TUT1: variants seen among roughly 807,000 people sequenced by gnomAD.
TUT1 encodes the protein terminal uridylyl transferase 1, U6 snRNA-specific, also known as speckle targeted PIP5K1A-regulated poly(A) polymerase.
Under a neutral mutation model 48.8 loss-of-function variants are expected in TUT1, and 26 were observed. The ratio of observed to expected loss-of-function variants is 0.53; its 90% CI spans 0.39 to 0.74. The LOEUF (loss-of-function observed/expected upper bound fraction) is 0.74. Ranked by LOEUF, TUT1 falls within the 30% of genes least tolerant of loss-of-function variation. TUT1 has a pLI of 0.00. For missense variants in TUT1, 1,065 were observed against 1,114.8 expected, an observed-to-expected ratio of 0.96 and a Z score of 0.64; for synonymous variants, 470 against 460.8, an observed-to-expected ratio of 1.02 and a Z score of -0.26.
In TUT1 at chr11:62,591,451, G is replaced by T. The variant is rs373683414; in HGVS notation, c.35C>A (p.Pro12Gln). The T allele has an allele frequency of 6.2e-7, 1 of 1,609,386 alleles. No individual in the cohort carries two copies. The highest frequency in any genetic ancestry group is 8.5e-7 in the Non-Finnish European group (1 of 1,177,992). Residue 12 changes from proline (P) to glutamine (Q), a missense_variant, in exon 1 of 9, where the codon CCG becomes CAG. Pro to Gln is a moderately conservative substitution (Grantham distance 76). Transcript: ENST00000476907. ...GAGGCAGCAGCGGAACCCCCCACGC[G>T]GCAGCGATTCGACATCCGAATCCAC... is the stretch of plus-strand genomic sequence containing the variant. ...AAVDSDVESL[P>Q]RGGFRCCLCH... is the part of the protein sequence containing the mutation.
intron 2 of TUT1, among the ~76,000 whole-genome samples, chr11:62,583,740 C>A (rs191899797): frequency 1.3e-5 from 2 of 152,258 alleles, no homozygotes; most frequent in African/African-American, 4.8e-5. Flanking sequence ...AAGGTAGCAC[C>A]AAGACAGAGT....
At chr11:62,581,728 T>C in intron 2 of TUT1, 27 bp from the exon 3 acceptor site, 1 of 1,401,714 alleles carries the variant, frequency 7.1e-7, no homozygotes, top group East Asian at 2.8e-5. Flanking sequence ...GCAGAGATGA[T>C]GATTTTGGAA....
chr11:62,578,734 G>A lies in TUT1; in HGVS notation c.987C>T (p.Thr329=). The A allele has an allele frequency of 6.2e-7, 1 of 1,614,104 alleles. No individual in the cohort carries two copies. Among genetic ancestry groups the A allele is most frequent in the South Asian group, 1.1e-5 (1 of 91,070 alleles). The change falls in exon 5 of 9, where the codon ACC becomes ACT. Residue 329 remains threonine, a synonymous_variant. Transcript: ENST00000476907. ...CCCCCTCTGCTTTCTCCTCCTTTGG[G>A]GTCTCTGCTAGTTCCGAGGCCTTCC... The part of the protein sequence containing the change: ...DLGKASELAE[T]PKEEKAEGAA...
intron 4 of TUT1, among the ~76,000 whole-genome samples, chr11:62,579,725 C>G (rs1052169712): frequency 2.8e-5 from 4 of 143,672 alleles, no homozygotes; most frequent in African/African-American, 1.0e-4. Context: ...AGTGCAGTGG[C>G]GCGATCTCGG....
In TUT1 at chr11:62,581,627, C is replaced by T. The variant is rs747079599; in HGVS notation, c.348G>A (p.Leu116=). Residue 116 remains leucine, a synonymous_variant, in exon 3 of 9, where the codon CTG becomes CTA. Coordinates refer to ENST00000476907, the MANE Select transcript of TUT1 (RefSeq NM_022830.3). ...GGCGGACACGCAGGCGATGTCCTCCCAGGCTGTGCTGGGACTGTGACAAGA... is the reference window on the plus strand; with the variant it reads ...GGCGGACACGCAGGCGATGTCCTCCTAGGCTGTGCTGGGACTGTGACAAGA... ...EAVLSQSQHS[L]GGHRLRVRPR... is the part of the protein sequence containing the mutation. The T allele has an allele frequency of 8.9e-6, 14 of 1,573,184 alleles. No homozygotes were observed. Among genetic ancestry groups the T allele is most frequent in the African/African-American group, 2.7e-5 (2 of 73,728 alleles).
chr11:62,583,522 C>T (rs766165678), intron 2 of TUT1, among the ~76,000 whole-genome samples: 1 of 151,850 alleles, frequency 6.6e-6, no homozygotes, highest in Non-Finnish European at 1.5e-5. Flanking sequence ...TGCTTGAACC[C>T]GGGAGGCGGA....
chr11:62,578,375 G>A (rs989181700), intron 5 of TUT1, among the ~76,000 whole-genome samples, 186 bp downstream of exon 5: 13 of 151,180 alleles, frequency 8.6e-5, no homozygotes, highest in African/African-American at 2.2e-4. Flanking sequence ...GAGAAACCCC[G>A]TCTCTACTAA....
intron 2 of TUT1, among the ~76,000 whole-genome samples, chr11:62,587,306 C>T (rs972672577): frequency 1.3e-5 from 2 of 151,888 alleles, no homozygotes; most frequent in African/African-American, 2.4e-5. Context: ...CTCAGCCTCC[C>T]GAGTAGCTGG....
In TUT1 at chr11:62,581,565, T is replaced by A; in HGVS notation, c.410A>T (p.Lys137Ile). Reference sequence around the variant, plus strand: ...GTCGGGGGCCGCTCCTTTGGGGGATTTGGAGGCCGGGCTCTGGAACTCCTT... The same window carrying A: ...GTCGGGGGCCGCTCCTTTGGGGGATATGGAGGCCGGGCTCTGGAACTCCTT... ...EQKEFQSPAS[K>I]SPKGAAPDSH... The change falls in exon 3 of 9, where the codon AAA (lysine) becomes ATA (isoleucine). Residue 137 changes from lysine (K) to isoleucine (I), a missense_variant. Transcript: ENST00000476907. The A allele has an allele frequency of 6.2e-7, 1 of 1,612,004 alleles. No individual in the cohort carries two copies. Among genetic ancestry groups the A allele is most frequent in the South Asian group, 1.1e-5 (1 of 90,896 alleles).
rs145871021 is a variant in TUT1, at chr11:62,582,804, G to A, written c.274-1103C>T. 2.9e-3 allele frequency among the ~76,000 whole-genome samples: 445 copies of A among 152,114 alleles called. 4 individuals carry two copies. Among genetic ancestry groups the A allele is most frequent in the African/African-American group, 1.0e-2 (415 of 41,514 alleles). ...ACATTTATTAAGGATCCATGTAACAGAATGAGTCCACTTTAAAAATCTTTT... is the reference window on the plus strand; with the variant it reads ...ACATTTATTAAGGATCCATGTAACAAAATGAGTCCACTTTAAAAATCTTTT... On this transcript the variant is annotated intron_variant, in intron 2 of 8. Transcript: ENST00000476907.
Position 62,591,517 on chromosome 11 carries a change from C to T in TUT1, c.-32G>A, listed in dbSNP as rs751640538. 2 of 1,613,512 alleles carry T rather than the reference C, an allele frequency of 1.2e-6. No homozygotes were observed. The highest frequency in any genetic ancestry group is 1.7e-6 in the Non-Finnish European group (2 of 1,179,748). On this transcript the variant is annotated 5_prime_UTR_variant, in exon 1 of 9. Transcript: ENST00000476907. ...TCTCCTGTACCGACAAAAACACAAGCACCTCTGCCACCACCGGAACCCACT... is the reference window on the plus strand; with the variant it reads ...TCTCCTGTACCGACAAAAACACAAGTACCTCTGCCACCACCGGAACCCACT...
At chr11:62,586,452 C>T (rs1198185718) in intron 2 of TUT1, among the ~76,000 whole-genome samples, 1 of 152,194 alleles carries the variant, frequency 6.6e-6, no homozygotes, top group Non-Finnish European at 1.5e-5. Context: ...GTGCTTAGCA[C>T]ACAATTGATG....
rs1941780261 is a variant in TUT1 at position 62,578,998 on chromosome 11, C to T, written c.723G>A (p.Leu241=). The T allele has an allele frequency of 2.0e-6, 3 of 1,515,322 alleles. No homozygotes were observed. The highest frequency in any genetic ancestry group is 4.5e-5 in the Admixed American group (2 of 43,986). 93.9% of individuals were successfully genotyped at this position (1,515,322 alleles called of 1,614,324 possible). ...PVPKAPESPS[L]DSALASPLDP... is the part of the protein sequence containing the mutation. Reference sequence around the variant, plus strand: ...CCAGTGGGGAAGCCAGGGCCGAGTCCAGCGATGGAGATTCTGGAGCCTTTG... The same window carrying T: ...CCAGTGGGGAAGCCAGGGCCGAGTCTAGCGATGGAGATTCTGGAGCCTTTG... Residue 241 remains leucine, a synonymous_variant, in exon 5 of 9, where the codon CTG becomes CTA. Transcript: ENST00000476907.
intron 3 of TUT1, 65 bp from the exon 4 acceptor site, chr11:62,581,271 A>G: frequency 6.3e-7 from 1 of 1,577,544 alleles, no homozygotes. Context: ...AGAACAAAAC[A>G]GAGCACAAAG....
At chr11:62,587,409 G>A (rs1360649390) in intron 2 of TUT1, among the ~76,000 whole-genome samples, 1 of 152,016 alleles carries the variant, frequency 6.6e-6, no homozygotes, top group Non-Finnish European at 1.5e-5. Context: ...TCGAACTCCC[G>A]ACCTCACATG....
intron 8 of TUT1, 189 bp downstream of exon 8, chr11:62,576,468 G>T: frequency 1.3e-6 from 1 of 785,396 alleles, no homozygotes; most frequent in Non-Finnish European, 2.0e-6. Context: ...TTGCTAGCCA[G>T]TGTAACCTTG....
chr11:62,586,354 CA>C (rs1381288914), intron 2 of TUT1, among the ~76,000 whole-genome samples: 27 of 152,344 alleles, frequency 1.8e-4, no homozygotes, highest in African/African-American at 6.3e-4. Context: ...GCCTCACAAG[CA>C]GTGTCTTAAA....
chr11:62,586,826 G>T (rs540767669), intron 2 of TUT1, among the ~76,000 whole-genome samples: 2 of 151,286 alleles, frequency 1.3e-5, no homozygotes, highest in Non-Finnish European at 2.9e-5. Flanking sequence ...TGAGGCGGGA[G>T]AATTGCTTGC....
chr11:62,578,641 A>G lies in TUT1; in HGVS notation c.1080T>C (p.Thr360=). 1.2e-6 allele frequency: 2 copies of G among 1,614,206 alleles called. No individual in the cohort carries two copies. The highest frequency in any genetic ancestry group is 1.7e-6 in the Non-Finnish European group (2 of 1,180,036). The change falls in exon 5 of 9, where the codon ACT becomes ACC. Residue 360 remains threonine (T), a synonymous_variant. Transcript: ENST00000476907. Reference sequence around the variant, plus strand: ...CCACAGGGCGCCGGGCAGAGGGCACAGTTTGGACTCGATACACCCCAGGGA... The same window carrying G: ...CCACAGGGCGCCGGGCAGAGGGCACGGTTTGGACTCGATACACCCCAGGGA... ...GCVPGVYRVQ[T]VPSARRPVVK...
Sources: gnomAD v4.1 joint callset for allele counts (sites outside exome capture counted in the v4.1 genomes callset) on GRCh38, gnomAD v4.1.1 for gene constraint, MANE v1.5 for transcripts, NCBI Gene and HGNC (gene_info 2026-07-23, HGNC 2026-07-21) for gene names.